The following PTPRN2 variants were observed in gnomAD, a reference collection of about 807,000 sequenced individuals.
The protein encoded by PTPRN2 is receptor-type tyrosine-protein phosphatase N2.
Under a neutral mutation model 118.8 loss-of-function variants are expected in PTPRN2, and 74 were observed. The ratio of observed to expected loss-of-function variants is 0.62; its 90% CI spans 0.52 to 0.76. The LOEUF (loss-of-function observed/expected upper bound fraction) is 0.76, where lower values mean the gene tolerates loss of function less well. PTPRN2 is among the 30% of genes least tolerant of loss of function. The pLI is 0.00. For synonymous variants in PTPRN2, 641 were observed against 608.0 expected, an observed-to-expected ratio of 1.05 and a Z score of -0.80; for missense variants, 1,481 against 1,394.4, an observed-to-expected ratio of 1.06 and a Z score of -0.99.
At chr7:158,410,384 A>T (rs1354823938) in intron 2 of PTPRN2, among the ~76,000 whole-genome samples, 1 of 152,200 alleles carries the variant, frequency 6.6e-6, no homozygotes, top group Non-Finnish European at 1.5e-5. Flanking sequence ...CCGAGTACCC[A>T]GGTGACTACA....
intron 6 of PTPRN2, among the ~76,000 whole-genome samples, chr7:158,141,544 T>A (rs1167334164): frequency 1.3e-5 from 2 of 152,144 alleles, no homozygotes; most frequent in African/African-American, 4.8e-5. Context: ...TGAGTGAAAA[T>A]TTTTTAAGTG....
At chr7:158,150,419 C>G (rs146936314) in intron 6 of PTPRN2, among the ~76,000 whole-genome samples, 8 of 152,274 alleles carry the variant, frequency 5.3e-5, no homozygotes, top group Non-Finnish European at 1.2e-4. Flanking sequence ...CTCAGCAGCT[C>G]GAAAAGTGGC....
At chr7:158,306,848 GT>G (rs1563111858) in intron 3 of PTPRN2, among the ~76,000 whole-genome samples, 1 of 113,528 alleles carries the variant, frequency 8.8e-6, no homozygotes, top group African/African-American at 3.1e-5. Flanking sequence ...TAAATGAGCT[GT>G]TTTTTGTTTT....
chr7:158,108,469 C>T (rs1363195857), intron 10 of PTPRN2, among the ~76,000 whole-genome samples: 2 of 152,184 alleles, frequency 1.3e-5, no homozygotes. Flanking sequence ...CTGGCCTGCC[C>T]ACCGGACCAC....
intron 11 of PTPRN2, among the ~76,000 whole-genome samples, chr7:157,952,406 G>A (rs533413904): frequency 2.0e-4 from 26 of 129,682 alleles, no homozygotes; most frequent in Non-Finnish European, 3.2e-4. Context: ...TCCCTGAGAC[G>A]GGGTGGGGGA....
intron 3 of PTPRN2, among the ~76,000 whole-genome samples, chr7:158,244,191 A>T (rs1003200270): frequency 6.6e-6 from 1 of 152,226 alleles, no homozygotes; most frequent in Non-Finnish European, 1.5e-5. Context: ...GCCAGAAGGG[A>T]AAGGCCAGGC....
intron 2 of PTPRN2, among the ~76,000 whole-genome samples, chr7:158,351,890 GCCTCCTGTCCGCTCC>G (rs1329450258): frequency 0.025 from 796 of 31,670 alleles, 76 homozygotes; most frequent in African/African-American, 0.047. Flanking sequence ...CTGTCTGCTC[GCCTCCTGTCCGCTCC>G]CCTCCTGTCC....
At chr7:158,479,232 G>A (rs868216300) in intron 2 of PTPRN2, among the ~76,000 whole-genome samples, 7 of 151,912 alleles carry the variant, frequency 4.6e-5, no homozygotes, top group African/African-American at 1.5e-4. Context: ...TGAGTGGGGC[G>A]GCGTGGCACA....
At chr7:158,382,971 G>A (rs1811072426) in intron 2 of PTPRN2, among the ~76,000 whole-genome samples, 1 of 152,176 alleles carries the variant, frequency 6.6e-6, no homozygotes, top group African/African-American at 2.4e-5. Context: ...TGGAAAAACT[G>A]TCTTCCAGGA....
chr7:158,011,604 A>G (rs1806054608), intron 11 of PTPRN2, among the ~76,000 whole-genome samples: 6 of 152,256 alleles, frequency 3.9e-5, no homozygotes, highest in Admixed American at 3.9e-4. Context: ...AGGAAGATAT[A>G]AAATTATATA....
At chr7:158,240,985 T>A (rs1795874150) in intron 3 of PTPRN2, among the ~76,000 whole-genome samples, 1 of 152,146 alleles carries the variant, frequency 6.6e-6, no homozygotes, top group Middle Eastern at 3.2e-3. Flanking sequence ...CACTTCTGAA[T>A]AAAGATGCCC....
intron 5 of PTPRN2, among the ~76,000 whole-genome samples, chr7:158,180,179 C>T (rs1824576560): frequency 6.6e-6 from 1 of 152,272 alleles, no homozygotes; most frequent in South Asian, 2.1e-4. Context: ...GATCCAGTTT[C>T]ATTCTTCTAC....
Position 158,446,613 on chromosome 7 carries a change from C to T in PTPRN2, c.163+43122G>A, listed in dbSNP as rs147420658. ...CCCTGCCTGGGCTGCCATGGACACA[C>T]GGAGCAGCTTGAAAATCCAATGGTC... On this transcript the variant is annotated intron_variant, in intron 2 of 22. Coordinates refer to ENST00000389418, the MANE Select transcript of PTPRN2 (RefSeq NM_002847.5). Among the ~76,000 whole-genome samples, 39 of 152,378 alleles carry T rather than the reference C, an allele frequency of 2.6e-4. 1 individual carries two copies. Among genetic ancestry groups the T allele is most frequent in the East Asian group, 9.6e-4 (5 of 5,186 alleles).
At chr7:158,527,572 C>CTACG (rs915973728) in intron 1 of PTPRN2, among the ~76,000 whole-genome samples, 1 of 152,220 alleles carries the variant, frequency 6.6e-6, no homozygotes, top group Non-Finnish European at 1.5e-5. Context: ...TTTACAGGGA[C>CTACG]TACGGTCAGT....
At chr7:157,886,823 T>C (rs77012117) in intron 12 of PTPRN2, among the ~76,000 whole-genome samples, 23 of 17,442 alleles carry the variant, frequency 1.3e-3, no homozygotes, top group African/African-American at 4.2e-3. Context: ...CCACAGCGGG[T>C]CTATCCTGGG....
At chr7:157,819,635 C>G (rs896142283) in intron 12 of PTPRN2, among the ~76,000 whole-genome samples, 2 of 151,924 alleles carry the variant, frequency 1.3e-5, no homozygotes, top group Non-Finnish European at 2.9e-5. Flanking sequence ...GCACAGCCCT[C>G]CCCACCCCTA....
Position 157,760,654 on chromosome 7 carries a change from C to T in PTPRN2, c.1789-77717G>A, listed in dbSNP as rs111998185. ...TCACCCCATCACCATTGCTATTCAG[C>T]GGTCACAGTCTCCACTGACACCTGC... On this transcript the variant is annotated intron_variant, in intron 12 of 22. Coordinates refer to ENST00000389418, the MANE Select transcript of PTPRN2 (RefSeq NM_002847.5). Among the ~76,000 whole-genome samples, 868 of 152,238 alleles carry T rather than the reference C, an allele frequency of 5.7e-3. 20 individuals carry two copies. Among genetic ancestry groups the T allele is most frequent in the African/African-American group, 0.02 (819 of 41,518 alleles).
intron 1 of PTPRN2, among the ~76,000 whole-genome samples, chr7:158,575,149 G>A (rs942866195): frequency 1.3e-5 from 2 of 152,134 alleles, no homozygotes; most frequent in African/African-American, 4.8e-5. Context: ...CTTTGATTTT[G>A]GAGTTCGTAC....
At position 157,557,795 on chromosome 7, in the gene PTPRN2, G is replaced by GT. The variant is rs201477736; in HGVS notation, c.2903-8777dup. Among the ~76,000 whole-genome samples, 445 of 150,802 alleles carry GT rather than the reference G, an allele frequency of 3.0e-3. 1 individual carries two copies. Among genetic ancestry groups the GT allele is most frequent in the African/African-American group, 8.7e-3 (356 of 41,044 alleles). On this transcript the variant is annotated intron_variant, in intron 21 of 22. Coordinates refer to ENST00000389418, the MANE Select transcript of PTPRN2 (RefSeq NM_002847.5). ...TCATAACAAACTAGCTATTTCTTAT[G>GT]TTTTTTTTTCCTTTGAACAAATTCT...
Sources: gnomAD v4.1 joint callset for allele counts (sites outside exome capture counted in the v4.1 genomes callset) on GRCh38, gnomAD v4.1.1 for gene constraint, MANE v1.5 for transcripts, NCBI Gene and HGNC (gene_info 2026-07-23, HGNC 2026-07-21) for gene names.